PTH2R: variants seen among roughly 807,000 people sequenced by gnomAD.
PTH2R encodes parathyroid hormone 2 receptor.
In PTH2R, 59 loss-of-function variants were observed where a neutral mutation model predicts 60.3. The observed-to-expected ratio is 0.98, with a 90% CI of 0.79 to 1.22. The LOEUF (loss-of-function observed/expected upper bound fraction) is 1.22. PTH2R is among the 50% of genes most tolerant of loss of function. The pLI is 0.00. For synonymous variants in PTH2R, 256 were observed against 243.8 expected (o/e 1.05, Z -0.47); for missense variants, 749 against 682.6 (o/e 1.10, Z -1.08).
intron 8 of PTH2R, among the ~76,000 whole-genome samples, chr2:208,459,691 AG>A (rs1331223831): frequency 3.9e-5 from 6 of 152,166 alleles, no homozygotes; most frequent in Admixed American, 2.0e-4. Flanking sequence ...CTCATCTTCA[AG>A]GGGTAGCTAA....
At chr2:208,404,457 A>G (rs1052374008), upstream of PTH2R, among the ~76,000 whole-genome samples, 2 of 152,178 alleles carry the variant, frequency 1.3e-5, no homozygotes, top group Non-Finnish European at 2.9e-5. Context: ...GAGTATTTCC[A>G]TAATAGGCTT....
intron 9 of PTH2R, among the ~76,000 whole-genome samples, chr2:208,474,155 A>G (rs1417944745): frequency 6.6e-6 from 1 of 152,208 alleles, no homozygotes; most frequent in African/African-American, 2.4e-5. Flanking sequence ...GAAGTTTTCT[A>G]AAAAGGAAAT....
intron 1 of PTH2R, among the ~76,000 whole-genome samples, chr2:208,408,735 AG>A (rs1184898506): frequency 1.6e-5 from 1 of 61,194 alleles, no homozygotes; most frequent in Non-Finnish European, 5.1e-5. Context: ...AGAGAGAGAG[AG>A]AGAAAGAGAG....
intron 2 of PTH2R, among the ~76,000 whole-genome samples, chr2:208,436,711 G>A (rs1315142915): frequency 2.6e-5 from 4 of 152,152 alleles, no homozygotes; most frequent in African/African-American, 7.2e-5. Context: ...CTGGGCTAAT[G>A]TCTGGAGACA....
exon 1 of PTH2R, chr2:208,360,162 G>T (rs1446728228): frequency 2.2e-6 from 1 of 453,888 alleles, no homozygotes; most frequent in Admixed American, 2.4e-5. Flanking sequence ...CCAGCATAGT[G>T]CTTTTTCTTT....
At chr2:208,470,948 G>A (rs1008000449) in intron 9 of PTH2R, among the ~76,000 whole-genome samples, 2 of 152,200 alleles carry the variant, frequency 1.3e-5, no homozygotes, top group Admixed American at 6.5e-5. Context: ...AACTTTTTGG[G>A]AACTGGAGCA....
At position 208,360,298 on chromosome 2, in the gene PTH2R, C is replaced by T. The variant is rs1003901236; in HGVS notation, c.-259+61C>T. ...GCGTGAGCAGCCCCTACGGGGTCTCCTACTGGTCCCTAGGAACTTTCGCCA... is the reference window on the plus strand; with the variant it reads ...GCGTGAGCAGCCCCTACGGGGTCTCTTACTGGTCCCTAGGAACTTTCGCCA... On this transcript the variant is annotated intron_variant, in intron 1 of 12. Coordinates refer to the PTH2R transcript ENST00000617735. The T allele has an allele frequency of 8.4e-6, 3 of 358,574 alleles. No individual in the cohort carries two copies. In the Admixed American group the frequency reaches 1.1e-4, roughly 13 times the overall value. The allele number at this position is 358,574 out of a possible 1,614,324, so 22.2% of individuals were successfully genotyped here.
At chr2:208,481,934 G>A (rs1703162078) in intron 10 of PTH2R, among the ~76,000 whole-genome samples, 1 of 152,156 alleles carries the variant, frequency 6.6e-6, no homozygotes, top group Non-Finnish European at 1.5e-5. Flanking sequence ...GAATGTTTGT[G>A]ATTATTATCA....
upstream of PTH2R, among the ~76,000 whole-genome samples, chr2:208,405,119 A>G (rs572183748): frequency 6.6e-6 from 1 of 152,356 alleles, no homozygotes; most frequent in East Asian, 1.9e-4. Flanking sequence ...TCCCATTAAA[A>G]AGATGGATTC....
intron 7 of PTH2R, among the ~76,000 whole-genome samples, chr2:208,447,924 A>G (rs926634812): frequency 6.6e-6 from 1 of 152,108 alleles, no homozygotes; most frequent in Non-Finnish European, 1.5e-5. Context: ...TTAATTCTGT[A>G]TGTAAAAGGT....
At chr2:208,382,595 A>G (rs1700934847) in intron 1 of PTH2R, among the ~76,000 whole-genome samples, 1 of 152,162 alleles carries the variant, frequency 6.6e-6, no homozygotes, top group Admixed American at 6.5e-5. Context: ...TGCTTTTCCT[A>G]TCCCACGTCA....
rs114587631 is a variant in PTH2R at position 208,464,231 on chromosome 2, A to G, written c.981+4270A>G. 6.4e-3 allele frequency among the ~76,000 whole-genome samples: 974 copies of G among 152,336 alleles called. 12 individuals carry two copies. The highest frequency in any genetic ancestry group is 0.021 in the African/African-American group (888 of 41,568). ...AAACACAATAAAACACGAGGTGAGA[A>G]AAGTATAACATAATGTTATTTTCAC... On this transcript the variant is annotated intron_variant, in intron 9 of 12. Coordinates refer to ENST00000272847, the MANE Select transcript of PTH2R (RefSeq NM_005048.4).
chr2:208,405,265 C>A (rs981034235), upstream of PTH2R, among the ~76,000 whole-genome samples: 5 of 151,982 alleles, frequency 3.3e-5, no homozygotes, highest in South Asian at 6.2e-4. Flanking sequence ...TAGAAAAGAA[C>A]TAGAAAAAAG....
chr2:208,398,731 C>T (rs1701255255), intron 1 of PTH2R, among the ~76,000 whole-genome samples: 1 of 152,138 alleles, frequency 6.6e-6, no homozygotes, highest in South Asian at 2.1e-4. Context: ...TATTTACTAT[C>T]TCGATTTTGT....
chr2:208,456,112 C>T (rs957291104), intron 8 of PTH2R, among the ~76,000 whole-genome samples: 2 of 151,818 alleles, frequency 1.3e-5, no homozygotes, highest in African/African-American at 4.8e-5. Context: ...CGTGGTGGTG[C>T]GTGCCTGTAA....
At chr2:208,468,333 C>T (rs1702800479) in intron 9 of PTH2R, among the ~76,000 whole-genome samples, 1 of 152,206 alleles carries the variant, frequency 6.6e-6, no homozygotes, top group African/African-American at 2.4e-5. Flanking sequence ...GTTTTATGTA[C>T]ATCAATGTAT....
rs1702254755 is a variant in PTH2R, at chr2:208,444,744, A to G, written c.710A>G (p.Lys237Arg). 2 of 1,613,530 alleles carry G rather than the reference A, an allele frequency of 1.2e-6. No individual in the cohort carries two copies. Among genetic ancestry groups the G allele is most frequent in the Non-Finnish European group, 1.7e-6 (2 of 1,179,738 alleles). ...SVDKSQYIGC[K>R]IAVVMFIYFL... ...GTTTATTTGTAATAGATCGGGTGCA[A>G]GATTGCTGTTGTGATGTTTATTTAC... The change falls in exon 7 of 13, where the codon AAG becomes AGG. Residue 237 changes from lysine (K) to arginine (R), a missense_variant. Coordinates refer to ENST00000272847, the MANE Select transcript of PTH2R (RefSeq NM_005048.4).
At chr2:208,382,292 A>G (rs1294845459) in intron 1 of PTH2R, among the ~76,000 whole-genome samples, 1 of 152,092 alleles carries the variant, frequency 6.6e-6, no homozygotes, top group Non-Finnish European at 1.5e-5. Context: ...CTTTGTGTGG[A>G]AATAGGTTTT....
chr2:208,377,486 G>A (rs533686581), intron 1 of PTH2R, among the ~76,000 whole-genome samples: 8 of 150,148 alleles, frequency 5.3e-5, no homozygotes, highest in East Asian at 4.1e-4. Context: ...ATGGGGCGGC[G>A]GCTGGGTGGA....
Sources: allele counts gnomAD v4.1 joint callset (sites outside exome capture counted in the v4.1 genomes callset), GRCh38; gene constraint gnomAD v4.1.1; transcripts MANE v1.5; gene names NCBI Gene and HGNC (gene_info 2026-07-23, HGNC 2026-07-21).